The following ANK2 variants were observed in gnomAD, a reference collection of about 807,000 sequenced individuals.
The protein encoded by ANK2 is ankyrin-2.
ANK2 carries 83 observed loss-of-function variants against 360.5 expected under a neutral mutation model. The ratio of observed to expected loss-of-function variants is 0.23; its 90% CI spans 0.19 to 0.28. ANK2 has a LOEUF of 0.28. ANK2 is among the 10% of genes least tolerant of loss of function. The probability of loss-of-function intolerance (pLI) is 1.00; values close to 1 mark genes in which losing one functional copy is unlikely to be tolerated. For missense variants in ANK2, 4,201 were observed against 4,795.7 expected (o/e 0.88, Z 3.66); for synonymous variants, 1,740 against 1,759.5 (o/e 0.99, Z 0.28).
At chr4:113,038,352 G>A (rs2062075085) in intron 2 of ANK2, among the ~76,000 whole-genome samples, 2 of 151,946 alleles carry the variant, frequency 1.3e-5, no homozygotes, top group Non-Finnish European at 2.9e-5. Context: ...CCAGTAATAT[G>A]TAATCATTTC....
intron 26 of ANK2, among the ~76,000 whole-genome samples, chr4:113,318,939 T>A (rs1487244150): frequency 1.3e-5 from 2 of 152,220 alleles, no homozygotes; most frequent in Non-Finnish European, 2.9e-5. Flanking sequence ...TAAGACATCC[T>A]AAAAAGAGGG....
Position 112,858,519 on chromosome 4 carries a change from A to T in ANK2, c.-40+40255A>T, listed in dbSNP as rs532009811. On this transcript the variant is annotated intron_variant, in intron 1 of 30. Transcript: ENST00000503271. ...AACTTGGGTTTCCAAAGTTGTGTCT[A>T]ATCTATTAGAACCAATTTGGTTGTT... Among the ~76,000 whole-genome samples the T allele has an allele frequency of 1.8e-4, 28 of 152,312 alleles. No homozygotes were observed. In the East Asian group the frequency reaches 4.2e-3, roughly 23 times the overall value.
the ANK2 span, among the ~76,000 whole-genome samples, chr4:112,722,876 A>G: frequency 1.3e-5 from 2 of 152,234 alleles, no homozygotes; most frequent in East Asian, 3.9e-4. Flanking sequence ...AGGCAGGAGG[A>G]TCGCTTGAGC....
chr4:113,359,009 A>C lies in ANK2; in HGVS notation c.10391A>C (p.Lys3464Thr). The change falls in exon 38 of 46, where the codon AAG becomes ACG. Residue 3464 changes from lysine to threonine, a missense_variant. By Grantham distance (78) the Lys-to-Thr change is moderately conservative. This residue lies in a region of ANK2 where 2,642 missense variants were observed against 2,714.5 expected (regional missense o/e 0.97). Coordinates refer to ENST00000357077, the MANE Select transcript of ANK2 (RefSeq NM_001148.6). Reference sequence around the variant, plus strand: ...GGCACGAGCCCCACAAAAGAAAGTAAGGAGCATTTCTTTGACCTTTACAGA... The same window carrying C: ...GGCACGAGCCCCACAAAAGAAAGTACGGAGCATTTCTTTGACCTTTACAGA... ...RGGTSPTKES[K>T]EHFFDLYRNS... 1 of 1,614,148 alleles carries C rather than the reference A, an allele frequency of 6.2e-7. No homozygotes were observed. The highest frequency in any genetic ancestry group is 8.5e-7 in the Non-Finnish European group (1 of 1,179,986).
At chr4:113,098,692 G>C (rs1487825946) in intron 1 of ANK2, among the ~76,000 whole-genome samples, 1 of 151,892 alleles carries the variant, frequency 6.6e-6, no homozygotes, top group Non-Finnish European at 1.5e-5. Context: ...TATGAGGCTG[G>C]TATAACCCTA....
At chr4:112,752,506 A>T in the ANK2 span, among the ~76,000 whole-genome samples, 1 of 151,014 alleles carries the variant, frequency 6.6e-6, no homozygotes, top group East Asian at 1.9e-4. Context: ...TGATTTAGTA[A>T]CTGTGTCTAC....
At chr4:112,794,496 A>G in the ANK2 span, among the ~76,000 whole-genome samples, 4 of 152,346 alleles carry the variant, frequency 2.6e-5, no homozygotes, top group East Asian at 5.8e-4. Flanking sequence ...TGGAAAAGCA[A>G]TTTAGGTATG....
chr4:113,032,165 CTG>C (rs2060558425), intron 2 of ANK2, among the ~76,000 whole-genome samples: 1 of 152,074 alleles, frequency 6.6e-6, no homozygotes, highest in Non-Finnish European at 1.5e-5. Context: ...GCTGCACACA[CTG>C]TTTGAAAAAT....
intron 1 of ANK2, among the ~76,000 whole-genome samples, chr4:113,136,994 G>A (rs1189737997): frequency 6.6e-6 from 1 of 152,012 alleles, no homozygotes; most frequent in East Asian, 1.9e-4. Context: ...CTGACCTCAA[G>A]TGATCCACCC....
At chr4:113,112,737 A>G (rs767578820) in intron 1 of ANK2, among the ~76,000 whole-genome samples, 19 of 152,140 alleles carry the variant, frequency 1.2e-4, no homozygotes, top group Non-Finnish European at 2.5e-4. Flanking sequence ...TGAGCTTGAG[A>G]GGCATACACT....
intron 2 of ANK2, among the ~76,000 whole-genome samples, chr4:112,920,397 A>T (rs1159859023): frequency 1.3e-5 from 2 of 152,206 alleles, no homozygotes; most frequent in African/African-American, 4.8e-5. Flanking sequence ...CTATAGCCAA[A>T]TAAAGTGTGT....
chr4:113,233,724 TA>T (rs968088503), intron 5 of ANK2, among the ~76,000 whole-genome samples: 46 of 148,058 alleles, frequency 3.1e-4, no homozygotes, highest in South Asian at 4.3e-4. Flanking sequence ...TCTCGTTAGT[TA>T]AAAAAAAAAA....
At chr4:112,801,392 A>T in the ANK2 span, among the ~76,000 whole-genome samples, 25 of 152,280 alleles carry the variant, frequency 1.6e-4, no homozygotes, top group African/African-American at 6.0e-4. Flanking sequence ...ATTTATTGAG[A>T]TCCTACCATG....
At chr4:112,930,435 C>T (rs1369444470) in intron 2 of ANK2, among the ~76,000 whole-genome samples, 2 of 150,064 alleles carry the variant, frequency 1.3e-5, no homozygotes, top group African/African-American at 4.9e-5. Flanking sequence ...GGCGACAGAG[C>T]CAGACCCTGT....
intron 2 of ANK2, among the ~76,000 whole-genome samples, chr4:113,022,029 G>A (rs997255300): frequency 2.6e-5 from 4 of 151,986 alleles, no homozygotes; most frequent in Non-Finnish European, 5.9e-5. Context: ...ATATTAATAT[G>A]TAAACCTTGA....
intron 1 of ANK2, among the ~76,000 whole-genome samples, chr4:113,115,701 A>T (rs373579036): frequency 2.0e-5 from 3 of 152,184 alleles, no homozygotes; most frequent in African/African-American, 7.2e-5. Flanking sequence ...CTCTCTTACT[A>T]TCTTTATGTA....
intron 1 of ANK2, among the ~76,000 whole-genome samples, chr4:112,898,445 A>T (rs181072828): frequency 6.6e-6 from 1 of 152,124 alleles, no homozygotes; most frequent in African/African-American, 2.4e-5. Flanking sequence ...GTGTCTGATG[A>T]TTTTCTCATA....
intron 2 of ANK2, among the ~76,000 whole-genome samples, chr4:112,968,262 T>C (rs1243501944): frequency 1.3e-5 from 2 of 152,234 alleles, no homozygotes; most frequent in East Asian, 3.8e-4. Flanking sequence ...TGCATTGATC[T>C]TCGCAGCCAC....
At chr4:113,186,341 A>G (rs931638804) in intron 2 of ANK2, among the ~76,000 whole-genome samples, 7 of 152,200 alleles carry the variant, frequency 4.6e-5, no homozygotes, top group African/African-American at 1.7e-4. Flanking sequence ...AACAAACAGA[A>G]AGGAATAGCA....
Sources: allele counts gnomAD v4.1 joint callset (sites outside exome capture counted in the v4.1 genomes callset), GRCh38; gene constraint gnomAD v4.1.1; regional missense constraint gnomAD v4.1.1; transcripts MANE v1.5; gene names NCBI Gene and HGNC (gene_info 2026-07-23, HGNC 2026-07-21).